The following MXRA8 variants were observed in gnomAD, a reference collection of about 807,000 sequenced individuals.
MXRA8 encodes the protein matrix remodeling associated 8, also known as matrix remodeling-associated protein 8.
Under a neutral mutation model 51.4 loss-of-function variants are expected in MXRA8, and 44 were observed. The ratio of observed to expected loss-of-function variants is 0.86; its 90% CI spans 0.67 to 1.10. The LOEUF is 1.10. Ranked by LOEUF, MXRA8 falls within the 50% of genes least tolerant of loss-of-function variation. The pLI is 0.00. For missense variants in MXRA8, 765 were observed against 638.9 expected (o/e 1.20, Z -2.13); for synonymous variants, 369 against 293.5 (o/e 1.26, Z -2.63).
At chr1:1,358,867 T>C, upstream of MXRA8, 17 of 1,038,374 alleles carry the variant, frequency 1.6e-5, no homozygotes, top group Non-Finnish European at 2.0e-5. Context: ...GTTGGGACTG[T>C]TGGGTGAGTG....
At position 1,354,349 on chromosome 1, in the gene MXRA8, C is replaced by T; in HGVS notation, c.1105+5G>A. On this transcript the variant is annotated splice_donor_5th_base_variant and intron_variant, in intron 6 of 9. Transcript: ENST00000309212. Reference sequence around the variant, plus strand: ...GGGCCGCTGGCTTTGCCGGGGCAGCCTCACCTCCGCGGCGCCTGCGGGCGG... The same window carrying T: ...GGGCCGCTGGCTTTGCCGGGGCAGCTTCACCTCCGCGGCGCCTGCGGGCGG... The T allele has an allele frequency of 6.2e-7, 1 of 1,609,010 alleles. No individual in the cohort carries two copies. Among genetic ancestry groups the T allele is most frequent in the Non-Finnish European group, 8.5e-7 (1 of 1,178,312 alleles).
At position 1,353,061 on chromosome 1, in the gene MXRA8, C is replaced by A; in HGVS notation, c.*543G>T. On this transcript the variant is annotated 3_prime_UTR_variant, in exon 10 of 10. Transcript: ENST00000309212. ...GGGGAGAACAGATGGTGCCTGGAGT[C>A]CCACATGGTGGTACAGGTGGGGGAG... 1 of 605,306 alleles carries A rather than the reference C, an allele frequency of 1.7e-6. No homozygotes were observed. The highest frequency in any genetic ancestry group is 2.9e-6 in the Non-Finnish European group (1 of 340,744). The allele number at this position is 605,306 out of a possible 1,614,324, so 37.5% of individuals were successfully genotyped here.
chr1:1,363,068 C>A (rs1415889819), upstream of MXRA8, among the ~76,000 whole-genome samples: 1 of 147,086 alleles, frequency 6.8e-6, no homozygotes, highest in Non-Finnish European at 1.5e-5. Flanking sequence ...GGTGATAGGG[C>A]GAGACTCCGT....
chr1:1,354,916 G>T lies in MXRA8; in HGVS notation c.715C>A (p.Leu239Met), dbSNP rs373508903. ...GCGCCCACAGCCACGCGGTCGCGCA[G>T]AAAAAGGGGCCCGTAGGCGCGGCGC... ...GERRAYGPLF[L>M]RDRVAVGADA... is the part of the protein sequence containing the mutation. The change falls in exon 5 of 10, where the codon CTG becomes ATG. Residue 239 changes from leucine (L) to methionine (M), a missense_variant. Transcript: ENST00000309212. 5 of 1,609,136 alleles carry T rather than the reference G, an allele frequency of 3.1e-6. No homozygotes were observed. Among genetic ancestry groups the T allele is most frequent in the Non-Finnish European group, 4.2e-6 (5 of 1,178,398 alleles).
Position 1,354,747 on chromosome 1 carries a change from T to G in MXRA8, c.884A>C (p.His295Pro), listed in dbSNP as rs1406737395. ...AGAGCCCCGGGGGGGCGGCTCCGCG[T>G]GGGGTTCGGCGACCGTCAGGTGGAA... ...RVFHLTVAEPHAEPPPRGSPG... is the reference protein window; with the variant it reads ...RVFHLTVAEPPAEPPPRGSPG... The change falls in exon 5 of 10, where the codon CAC becomes CCC. Residue 295 changes from histidine to proline, a missense_variant. Physicochemically the swap from His to Pro is moderately conservative, Grantham distance 77. Transcript: ENST00000309212. The G allele has an allele frequency of 1.9e-6, 3 of 1,610,032 alleles. No homozygotes were observed. Among genetic ancestry groups the G allele is most frequent in the South Asian group, 2.2e-5 (2 of 90,922 alleles).
At chr1:1,355,924 C>G (rs1306535584) in intron 2 of MXRA8, among the ~76,000 whole-genome samples, 172 bp from the exon 3 acceptor site, 1 of 82,802 alleles carries the variant, frequency 1.2e-5, no homozygotes, top group Non-Finnish European at 2.3e-5. Context: ...GGCAGACCCC[C>G]GAGGGCCTGG....
upstream of MXRA8, chr1:1,361,469 G>C (rs1234396350): frequency 3.4e-6 from 2 of 596,486 alleles, no homozygotes; most frequent in Admixed American, 5.5e-5. Context: ...GGGCGAGGAC[G>C]GACGGACCCA....
chr1:1,357,303 G>A (rs1569803776), intron 1 of MXRA8, among the ~76,000 whole-genome samples: 1 of 152,130 alleles, frequency 6.6e-6, no homozygotes, highest in South Asian at 2.1e-4. Flanking sequence ...GACCGGAAGC[G>A]GGGCTGCCAC....
Position 1,355,315 on chromosome 1 carries a change from G to C in MXRA8, c.407C>G (p.Thr136Ser), listed in dbSNP as rs375568751. 1.4e-4 allele frequency: 214 copies of C among 1,580,312 alleles called. No individual in the cohort carries two copies. The highest frequency in any genetic ancestry group is 6.1e-4 in the South Asian group (53 of 87,570). ...AVEETDAGLY[T>S]CNLHHHYCHL... ...GCAGTAGTGATGGTGCAGGTTGCAG[G>C]TGTACAGCCCCGCGTCCGTCTCCTC... Residue 136 changes from threonine to serine, a missense_variant, in exon 4 of 10, where the codon ACC becomes AGC. Physicochemically the swap from Thr to Ser is moderately conservative, Grantham distance 58. Transcript: ENST00000309212.
Position 1,354,934 on chromosome 1 carries a change from C to T in MXRA8, c.697G>A (p.Ala233Thr), listed in dbSNP as rs903995332. 7 of 1,603,506 alleles carry T rather than the reference C, an allele frequency of 4.4e-6. No homozygotes were observed. Among genetic ancestry groups the T allele is most frequent in the Non-Finnish European group, 6.0e-6 (7 of 1,176,024 alleles). Reference protein sequence around the residue: ...LDLYASGERRAYGPLFLRDRV... With the variant: ...LDLYASGERRTYGPLFLRDRV... ...TCGCGCAGAAAAAGGGGCCCGTAGG[C>T]GCGGCGCTCGCCCGACGCGTAGAGG... The change falls in exon 5 of 10, where the codon GCC becomes ACC. Residue 233 changes from alanine (A) to threonine (T), a missense_variant. Physicochemically the swap from Ala to Thr is moderately conservative, Grantham distance 58. Transcript: ENST00000309212.
chr1:1,358,973 C>T (rs757841105), upstream of MXRA8: 105 of 985,282 alleles, frequency 1.1e-4, no homozygotes, highest in Non-Finnish European at 1.2e-4. Flanking sequence ...GGCCTCCCAG[C>T]GCTGAGACCG....
At chr1:1,358,760 C>T (rs771455739), upstream of MXRA8, 15 of 1,273,744 alleles carry the variant, frequency 1.2e-5, no homozygotes, top group Middle Eastern at 5.9e-4. Flanking sequence ...GGGTGGTGAC[C>T]GCACCCTTGG....
At position 1,352,970 on chromosome 1, in the gene MXRA8, T is replaced by G. The variant is rs1569771621; in HGVS notation, c.*634A>C. 4.4e-6 allele frequency: 2 copies of G among 459,572 alleles called. No individual in the cohort carries two copies. Among genetic ancestry groups the G allele is most frequent in the Non-Finnish European group, 7.8e-6 (2 of 257,004 alleles). The allele number at this position is 459,572 out of a possible 1,614,324, so 28.5% of individuals were successfully genotyped here. A position where few individuals can be genotyped will look rare whatever the true frequency, so the allele number is the denominator to read the frequency against. ...GATGGGGCAGAGAAAGGGCAAGGGG[T>G]GCAGCCCCAGGTGGCCCAAAGCAAC... is the stretch of plus-strand genomic sequence containing the variant. On this transcript the variant is annotated 3_prime_UTR_variant, in exon 10 of 10. Coordinates refer to ENST00000309212, the MANE Select transcript of MXRA8 (RefSeq NM_032348.4).
At chr1:1,356,642 G>A in intron 2 of MXRA8, 39 bp downstream of exon 2, 1 of 1,319,966 alleles carries the variant, frequency 7.6e-7, no homozygotes, top group Non-Finnish European at 9.8e-7. Context: ...AGGGGCTGAG[G>A]GGGAGTGGGG....
upstream of MXRA8, chr1:1,359,271 G>A: frequency 1.0e-6 from 1 of 985,408 alleles, no homozygotes; most frequent in Non-Finnish European, 1.2e-6. Context: ...GCAGCCTGGT[G>A]TCCCTGAAAC....
At chr1:1,362,602 A>T (rs1350567884), upstream of MXRA8, among the ~76,000 whole-genome samples, 7 of 152,014 alleles carry the variant, frequency 4.6e-5, 1 homozygote, top group South Asian at 1.5e-3. Context: ...CAACATGGTG[A>T]AACCCTGTCT....
Position 1,355,539 on chromosome 1 carries a change from T to C in MXRA8, c.287A>G (p.Glu96Gly). 1.3e-6 allele frequency: 2 copies of C among 1,492,650 alleles called. No homozygotes were observed. Among genetic ancestry groups the C allele is most frequent in the Non-Finnish European group, 1.8e-6 (2 of 1,130,738 alleles). 92.5% of individuals were successfully genotyped at this position (1,492,650 alleles called of 1,614,324 possible). ...RRLLDLYSAG[E>G]QRVYEARDRG... Reference sequence around the variant, plus strand: ...GTCCCGCGCCTCGTACACGCGCTGCTCGCCCGCCGAGTACAAGTCCAGCAG... The same window carrying C: ...GTCCCGCGCCTCGTACACGCGCTGCCCGCCCGCCGAGTACAAGTCCAGCAG... The change falls in exon 3 of 10, where the codon GAG becomes GGG. Residue 96 changes from glutamate (E) to glycine (G), a missense_variant. Physicochemically the swap from Glu to Gly is moderately conservative, Grantham distance 98 (BLOSUM62 -2). Transcript: ENST00000309212.
In MXRA8 at chr1:1,354,982, C is replaced by G. The variant is rs775662391; in HGVS notation, c.649G>C (p.Asp217His). Residue 217 changes from aspartate to histidine, a missense_variant, in exon 5 of 10, where the codon GAC becomes CAC. Physicochemically the swap from Asp to His is moderately conservative, Grantham distance 81. Coordinates refer to ENST00000309212, the MANE Select transcript of MXRA8 (RefSeq NM_032348.4). ...AGGTCCAGCAGGCGGTCCGCGCGGT[C>G]GTGCGGGACCCCGGGCGGCTGCCGG... ...WDRQPPGVPH[D>H]RADRLLDLYA... 6.3e-7 allele frequency: 1 copy of G among 1,596,838 alleles called. No individual in the cohort carries two copies. Among genetic ancestry groups the G allele is most frequent in the Admixed American group, 1.7e-5 (1 of 57,666 alleles).
In MXRA8 at chr1:1,354,010, G is replaced by A. The variant is rs767297038; in HGVS notation, c.1222+20C>T. 5.0e-6 allele frequency: 8 copies of A among 1,612,300 alleles called. No individual in the cohort carries two copies. Among genetic ancestry groups the A allele is most frequent in the Admixed American group, 3.3e-5 (2 of 59,986 alleles). ...GACTGGGAGCCGCGCCTGTGCCCTCGTGTCCCAGCACTGCCTCACCTAGCT... is the reference window on the plus strand; with the variant it reads ...GACTGGGAGCCGCGCCTGTGCCCTCATGTCCCAGCACTGCCTCACCTAGCT... On this transcript the variant is annotated intron_variant, in intron 8 of 9. Coordinates refer to ENST00000309212, the MANE Select transcript of MXRA8 (RefSeq NM_032348.4).
Sources: gnomAD v4.1 joint callset for allele counts (sites outside exome capture counted in the v4.1 genomes callset) on GRCh38, gnomAD v4.1.1 for gene constraint, MANE v1.5 for transcripts, NCBI Gene and HGNC (gene_info 2026-07-23, HGNC 2026-07-21) for gene names.